The following CNGB3 variants were observed in gnomAD, a reference collection of about 807,000 sequenced individuals.
The protein encoded by CNGB3 is cyclic nucleotide-gated channel beta-3.
In CNGB3, 86 loss-of-function variants were observed where a neutral mutation model predicts 92.8. The observed-to-expected ratio is 0.93, with a 90% confidence interval of 0.78 to 1.11. The LOEUF (loss-of-function observed/expected upper bound fraction) is 1.11, where lower values mean the gene tolerates loss of function less well. Among genes scored for constraint, CNGB3 ranks in the 50% least tolerant of loss-of-function variants. The probability of loss-of-function intolerance (pLI) is 0.00; values close to 1 mark genes in which losing one functional copy is unlikely to be tolerated. For missense variants in CNGB3, 1,026 were observed against 956.8 expected (o/e 1.07, Z -0.95); for synonymous variants, 333 against 332.7 (o/e 1.00, Z -0.01).
chr8:86,603,846 A>G lies in CNGB3; in HGVS notation c.1781+247T>C, dbSNP rs138953232. ...ATTCATTTGCACATCCATTCAACAT[A>G]TACTGGGAACCTGCTTTACGCCAGG... On this transcript the variant is annotated intron_variant, in intron 15 of 17. Coordinates refer to ENST00000320005, the MANE Select transcript of CNGB3 (RefSeq NM_019098.5). Among the ~76,000 whole-genome samples, 29 of 152,344 alleles carry G rather than the reference A, an allele frequency of 1.9e-4. No homozygotes were observed. In the East Asian group the frequency reaches 1.9e-3, roughly 10 times the overall value.
intron 15 of CNGB3, chr8:86,593,892 A>T: frequency 1.6e-6 from 1 of 631,864 alleles, no homozygotes; most frequent in South Asian, 1.5e-5. Context: ...TTGCTGCACC[A>T]CTGCTGGTAG....
chr8:86,670,066 T>C (rs970541694), intron 4 of CNGB3, among the ~76,000 whole-genome samples: 2 of 152,140 alleles, frequency 1.3e-5, no homozygotes, highest in African/African-American at 4.8e-5. Flanking sequence ...GCCAGGATGG[T>C]CTTGATCTCC....
At chr8:86,660,034 G>T in intron 6 of CNGB3, 1 of 337,708 alleles carries the variant, frequency 3.0e-6, no homozygotes, top group Non-Finnish European at 6.1e-6. Context: ...CCATGCTAGT[G>T]AGACTGGCAC....
intron 15 of CNGB3, among the ~76,000 whole-genome samples, chr8:86,602,053 G>A (rs1822315391): frequency 1.3e-5 from 2 of 152,192 alleles, no homozygotes; most frequent in East Asian, 3.8e-4. Context: ...TCTTCAGGGA[G>A]TACTCAACCC....
chr8:86,649,700 A>G (rs1275583892), intron 7 of CNGB3, among the ~76,000 whole-genome samples: 1 of 151,848 alleles, frequency 6.6e-6, no homozygotes, highest in African/African-American at 2.4e-5. Flanking sequence ...AAAATTGTTG[A>G]AGATAACCTT....
At chr8:86,712,034 C>T (rs957727129) in intron 3 of CNGB3, among the ~76,000 whole-genome samples, 1 of 151,928 alleles carries the variant, frequency 6.6e-6, no homozygotes, top group Admixed American at 6.6e-5. Flanking sequence ...AATTAAAGTA[C>T]ACTGTGCTTC....
chr8:86,665,078 C>G (rs1243090890), intron 6 of CNGB3, among the ~76,000 whole-genome samples: 3 of 152,050 alleles, frequency 2.0e-5, no homozygotes, highest in African/African-American at 4.8e-5. Context: ...ACATATTTGC[C>G]TAGCGGTCAC....
chr8:86,653,994 A>C lies in CNGB3; in HGVS notation c.903+18T>G, dbSNP rs1279153023. 1.9e-6 allele frequency: 3 copies of C among 1,553,486 alleles called. No individual in the cohort carries two copies. The highest frequency in any genetic ancestry group is 2.7e-5 in the African/African-American group (2 of 73,656). On this transcript the variant is annotated intron_variant, in intron 7 of 17. Transcript: ENST00000320005. Reference sequence around the variant, plus strand: ...GTAATAGATCACGTGAGCAACTTTGAAATTGTTTGTCACCTACCTGAAATT... The same window carrying C: ...GTAATAGATCACGTGAGCAACTTTGCAATTGTTTGTCACCTACCTGAAATT...
intron 3 of CNGB3, among the ~76,000 whole-genome samples, chr8:86,676,983 AT>A (rs1323257291): frequency 6.6e-6 from 1 of 152,124 alleles, no homozygotes; most frequent in South Asian, 2.1e-4. Flanking sequence ...AACAGTATGA[AT>A]TTTTTTTAAA....
intron 4 of CNGB3, among the ~76,000 whole-genome samples, chr8:86,670,698 G>A (rs376954104): frequency 2.0e-5 from 3 of 151,980 alleles, no homozygotes; most frequent in East Asian, 3.9e-4. Context: ...ATAGATGTGA[G>A]CCACTGCACC....
intron 2 of CNGB3, 27 bp downstream of exon 2, chr8:86,739,628 T>G (rs1431793597): frequency 2.5e-6 from 4 of 1,598,374 alleles, no homozygotes; most frequent in South Asian, 1.1e-5. Context: ...TAGTTTTTTT[T>G]TTTTTTTTTT....
chr8:86,632,954 T>A (rs1822991728), intron 10 of CNGB3, 61 bp from the exon 11 acceptor site: 2 of 1,464,194 alleles, frequency 1.4e-6, no homozygotes, highest in Non-Finnish European at 1.9e-6. Flanking sequence ...ACCACTATTC[T>A]TGGGAGAATA....
chr8:86,686,498 A>G (rs568202224), intron 3 of CNGB3, among the ~76,000 whole-genome samples: 1 of 152,160 alleles, frequency 6.6e-6, no homozygotes, highest in Non-Finnish European at 1.5e-5. Flanking sequence ...AAGATATTAC[A>G]TCCTTAAAGT....
chr8:86,690,450 A>G (rs1451465580), intron 3 of CNGB3, among the ~76,000 whole-genome samples: 63 of 152,118 alleles, frequency 4.1e-4, no homozygotes, highest in African/African-American at 8.2e-4. Context: ...TGTAGATTCT[A>G]GATATTAGCC....
chr8:86,652,052 A>G (rs1823413699), intron 7 of CNGB3, among the ~76,000 whole-genome samples: 1 of 151,960 alleles, frequency 6.6e-6, no homozygotes, highest in Non-Finnish European at 1.5e-5. Context: ...GCCTAGGAGC[A>G]TGTTACTGTA....
Position 86,581,191 on chromosome 8 carries a change from T to C in CNGB3, c.1782-1939A>G, listed in dbSNP as rs1053777192. On this transcript the variant is annotated intron_variant, in intron 15 of 17. Coordinates refer to ENST00000320005, the MANE Select transcript of CNGB3 (RefSeq NM_019098.5). The stretch of plus-strand genomic sequence containing the variant: ...AGAGAACTGAAGTCACAGGGCAAAC[T>C]ACCGCCCCCAAATCTGGAGAGAGAG... 5.3e-5 allele frequency among the ~76,000 whole-genome samples: 8 copies of C among 152,320 alleles called. No individual in the cohort carries two copies. The South Asian group carries it at 8.3e-4, about 16-fold the overall frequency.
At chr8:86,658,072 G>A in intron 6 of CNGB3, 1 of 528,814 alleles carries the variant, frequency 1.9e-6, no homozygotes, top group African/African-American at 1.9e-5. Flanking sequence ...CTTCTCCATG[G>A]CCCCCTGCAG....
At chr8:86,579,404 A>C (rs1821719570) in intron 15 of CNGB3, 152 bp from the exon 16 acceptor site, 1 of 895,850 alleles carries the variant, frequency 1.1e-6, no homozygotes, top group Non-Finnish European at 1.8e-6. Flanking sequence ...GAGAGTGTCA[A>C]GATGTGGGAA....
chr8:86,631,229 C>T (rs1332987587), intron 11 of CNGB3, among the ~76,000 whole-genome samples: 4 of 152,150 alleles, frequency 2.6e-5, no homozygotes, highest in African/African-American at 9.7e-5. Flanking sequence ...TTCTGATTCA[C>T]TAGTCTGAGG....
Sources: allele counts gnomAD v4.1 joint callset (sites outside exome capture counted in the v4.1 genomes callset), GRCh38; gene constraint gnomAD v4.1.1; transcripts MANE v1.5; gene names NCBI Gene and HGNC (gene_info 2026-07-23, HGNC 2026-07-21).